FRMD4A: variants seen among roughly 807,000 people sequenced by gnomAD.
The protein encoded by FRMD4A is FERM domain containing 4A.
A neutral mutation model predicts 129.1 loss-of-function variants in FRMD4A; 29 were observed. The observed-to-expected ratio is 0.22, with a 90% CI of 0.17 to 0.31. The LOEUF (loss-of-function observed/expected upper bound fraction) is 0.31, where lower values mean the gene tolerates loss of function less well. FRMD4A is among the 10% of genes least tolerant of loss of function. FRMD4A has a pLI of 1.00. For synonymous variants in FRMD4A, 634 were observed against 571.6 expected (o/e 1.11, Z -1.56); for missense variants, 1,272 against 1,375.8 (o/e 0.92, Z 1.19).
intron 2 of FRMD4A, among the ~76,000 whole-genome samples, chr10:14,244,907 T>C (rs1371547607): frequency 6.6e-6 from 1 of 152,236 alleles, no homozygotes; most frequent in Non-Finnish European, 1.5e-5. Flanking sequence ...ATGGCTATAA[T>C]GCTCTTTCTC....
At chr10:14,166,840 G>A (rs1250727865) in intron 2 of FRMD4A, among the ~76,000 whole-genome samples, 1 of 152,194 alleles carries the variant, frequency 6.6e-6, no homozygotes, top group Non-Finnish European at 1.5e-5. Flanking sequence ...TGGCCTTCGT[G>A]CCCAGTTTAT....
At chr10:14,206,542 A>G (rs1289402717) in intron 2 of FRMD4A, among the ~76,000 whole-genome samples, 3 of 152,128 alleles carry the variant, frequency 2.0e-5, no homozygotes, top group African/African-American at 7.2e-5. Context: ...TCACGCCTGT[A>G]ATCCCAACAC....
chr10:13,981,275 A>G (rs1481607763), intron 2 of FRMD4A, among the ~76,000 whole-genome samples: 1 of 152,220 alleles, frequency 6.6e-6, no homozygotes, highest in Non-Finnish European at 1.5e-5. Context: ...GGCACAGGCA[A>G]CCAGCCATCC....
intron 3 of FRMD4A, among the ~76,000 whole-genome samples, chr10:13,828,800 G>A (rs2093744853): frequency 6.6e-6 from 1 of 152,196 alleles, no homozygotes; most frequent in African/African-American, 2.4e-5. Context: ...GCAAAGTGCT[G>A]GGATTACAGG....
chr10:14,326,594 T>TTA (rs1843285463), intron 2 of FRMD4A: 1 of 372,240 alleles, frequency 2.7e-6, no homozygotes, highest in Non-Finnish European at 4.7e-6. Context: ...AAAACTATTT[T>TTA]AATCTAGCTG....
At chr10:14,220,669 T>C (rs1843219173) in intron 2 of FRMD4A, among the ~76,000 whole-genome samples, 1 of 152,126 alleles carries the variant, frequency 6.6e-6, no homozygotes, top group Non-Finnish European at 1.5e-5. Flanking sequence ...AGTGCAGCAG[T>C]GGGAGTGTCA....
chr10:13,831,811 C>T (rs2130941355), intron 3 of FRMD4A, among the ~76,000 whole-genome samples: 2 of 152,250 alleles, frequency 1.3e-5, no homozygotes, highest in African/African-American at 4.8e-5. Flanking sequence ...GGAGATCTCC[C>T]AGTTGCCATT....
chr10:13,740,496 G>T lies in FRMD4A; in HGVS notation c.614+16C>A. The T allele has an allele frequency of 6.7e-7, 1 of 1,491,798 alleles. No homozygotes were observed. The highest frequency in any genetic ancestry group is 9.3e-7 in the Non-Finnish European group (1 of 1,071,674). 92.4% of individuals were successfully genotyped at this position (1,491,798 alleles called of 1,614,324 possible). The stretch of plus-strand genomic sequence containing the variant: ...ACAAACACTGTCCCCATGTGAGCTG[G>T]GAAGGGGCCACTTACTTTACGATTG... On this transcript the variant is annotated intron_variant, in intron 10 of 24. Coordinates refer to ENST00000357447, the MANE Select transcript of FRMD4A (RefSeq NM_018027.5).
Position 13,659,351 on chromosome 10 carries a change from G to T in FRMD4A, c.2038C>A (p.Arg680=). The T allele has an allele frequency of 6.2e-7, 1 of 1,614,110 alleles. No individual in the cohort carries two copies. Among genetic ancestry groups the T allele is most frequent in the Non-Finnish European group, 8.5e-7 (1 of 1,179,924 alleles). The change falls in exon 21 of 25, where the codon CGG becomes AGG. Residue 680 remains arginine, a synonymous_variant. Transcript: ENST00000357447. ...GTGGAATGGACGTAGTGGGGACTCC[G>T]GACCCGCAGGTCTGGCGTGGACGGC... ...SMPSTPDLRV[R]SPHYVHSTRS...
chr10:14,125,754 C>T (rs539903416), intron 2 of FRMD4A, among the ~76,000 whole-genome samples: 12 of 133,478 alleles, frequency 9.0e-5, no homozygotes, highest in East Asian at 2.9e-4. Flanking sequence ...CACACTCATG[C>T]GCACGCGCAC....
At position 14,054,583 on chromosome 10, in the gene FRMD4A, T is replaced by C. The variant is rs190122978; in HGVS notation, c.46-195671A>G. Among the ~76,000 whole-genome samples the C allele has an allele frequency of 1.6e-3, 243 of 152,288 alleles. 1 individual carries two copies. Among genetic ancestry groups the C allele is most frequent in the African/African-American group, 5.6e-3 (231 of 41,568 alleles). On this transcript the variant is annotated intron_variant, in intron 2 of 24. Coordinates refer to ENST00000357447, the MANE Select transcript of FRMD4A (RefSeq NM_018027.5). ...AGCATCCTATTTGATACCTGGGCAG[T>C]GTCCACTGAACAGGGGCAGTCCACG...
intron 2 of FRMD4A, among the ~76,000 whole-genome samples, chr10:14,080,503 G>A (rs1180677458): frequency 2.0e-5 from 3 of 151,984 alleles, no homozygotes; most frequent in Non-Finnish European, 4.4e-5. Context: ...TGACAAGCAG[G>A]ACAAGTTCTA....
intron 14 of FRMD4A, among the ~76,000 whole-genome samples, chr10:13,695,458 A>G (rs1239594632): frequency 6.6e-6 from 1 of 152,150 alleles, no homozygotes; most frequent in Non-Finnish European, 1.5e-5. Flanking sequence ...TGGTTTTTAT[A>G]AGGTATCTGC....
At chr10:14,310,921 G>T (rs1367939276) in intron 2 of FRMD4A, among the ~76,000 whole-genome samples, 1 of 152,078 alleles carries the variant, frequency 6.6e-6, no homozygotes, top group Non-Finnish European at 1.5e-5. Flanking sequence ...CTCGCTCCTT[G>T]TGTGTCCCCA....
intron 2 of FRMD4A, among the ~76,000 whole-genome samples, chr10:14,100,523 T>A (rs940866123): frequency 6.6e-6 from 1 of 152,032 alleles, no homozygotes; most frequent in African/African-American, 2.4e-5. Flanking sequence ...CCCTTAAAAG[T>A]CTGAATAAAT....
intron 2 of FRMD4A, among the ~76,000 whole-genome samples, chr10:14,020,548 C>T (rs1832695432): frequency 6.6e-6 from 1 of 152,176 alleles, no homozygotes; most frequent in Non-Finnish European, 1.5e-5. Flanking sequence ...GACACACTGG[C>T]CTATAGATGT....
intron 4 of FRMD4A, among the ~76,000 whole-genome samples, chr10:13,798,146 C>A (rs760799197): frequency 6.6e-6 from 1 of 152,166 alleles, no homozygotes; most frequent in Non-Finnish European, 1.5e-5. Context: ...CGCAGTGGCT[C>A]ACGCCTGTAA....
chr10:13,951,284 G>A (rs146259380), intron 2 of FRMD4A, among the ~76,000 whole-genome samples: 1,619 of 152,250 alleles, frequency 0.011, 8 homozygotes, highest in Non-Finnish European at 0.017. Context: ...CGGGGCGCCA[G>A]GAAGAGTGAG....
intron 2 of FRMD4A, among the ~76,000 whole-genome samples, chr10:14,138,595 C>A (rs1431433794): frequency 1.3e-5 from 2 of 151,920 alleles, no homozygotes; most frequent in Non-Finnish European, 2.9e-5. Context: ...ACCATCTCTG[C>A]TAAAAATACA....
Sources: gnomAD v4.1 joint callset for allele counts (sites outside exome capture counted in the v4.1 genomes callset) on GRCh38, gnomAD v4.1.1 for gene constraint, MANE v1.5 for transcripts, NCBI Gene and HGNC (gene_info 2026-07-23, HGNC 2026-07-21) for gene names.